The following PTGR3 variants were observed in gnomAD, a reference collection of about 807,000 sequenced individuals.
PTGR3 encodes zinc binding alcohol dehydrogenase domain containing 2.
chr18:75,208,515 A>C, the PTGR3 span: 5 of 1,043,420 alleles, frequency 4.8e-6, no homozygotes, highest in Non-Finnish European at 2.3e-6. Context: ...CCCGGCGGGG[A>C]GCCTCCCCTT....
chr18:75,197,435 T>A, the PTGR3 span: 1 of 151,818 alleles, frequency 6.6e-6, no homozygotes, highest in Non-Finnish European at 1.5e-5. Flanking sequence ...AGAAAAAAAA[T>A]GAAAACAAAC....
the PTGR3 span, chr18:75,205,204 G>T: frequency 1.2e-4 from 116 of 985,398 alleles, no homozygotes; most frequent in African/African-American, 1.9e-3. Flanking sequence ...TCTGCGTGAG[G>T]GTCCGCAGCT....
the PTGR3 span, among the ~76,000 whole-genome samples, chr18:75,205,042 C>T: frequency 6.6e-6 from 1 of 152,192 alleles, no homozygotes; most frequent in Admixed American, 6.5e-5. Flanking sequence ...CCCGCGGCGG[C>T]TCGGGTGGCT....
At chr18:75,208,522 C>T in the PTGR3 span, 128 of 1,075,988 alleles carry the variant, frequency 1.2e-4, 4 homozygotes, top group South Asian at 5.4e-3. Context: ...GGGAGCCTCC[C>T]CTTCTGGGTC....
At chr18:75,195,728 C>T in the PTGR3 span, 4 of 152,116 alleles carry the variant, frequency 2.6e-5, no homozygotes, top group Middle Eastern at 3.4e-3. Flanking sequence ...GCCTGGGCAA[C>T]GAGGGAGACC....
the PTGR3 span, chr18:75,201,230 A>C: frequency 8.3e-6 from 4 of 483,086 alleles, no homozygotes; most frequent in Non-Finnish European, 1.4e-5. Context: ...TTATTAGCAC[A>C]TTTTTTTTTT....
At chr18:75,208,537 C>A in the PTGR3 span, 3 of 1,022,018 alleles carry the variant, frequency 2.9e-6, no homozygotes, top group East Asian at 1.2e-4. Flanking sequence ...TGGGTCCCGT[C>A]GGTTTTATTT....
At chr18:75,206,316 A>C in the PTGR3 span, among the ~76,000 whole-genome samples, 1 of 152,254 alleles carries the variant, frequency 6.6e-6, no homozygotes, top group Non-Finnish European at 1.5e-5. Context: ...GAAATGTGCA[A>C]ATTGTTCACT....
At chr18:75,204,268 GC>G in the PTGR3 span, among the ~76,000 whole-genome samples, 1 of 152,178 alleles carries the variant, frequency 6.6e-6, no homozygotes, top group Non-Finnish European at 1.5e-5. Flanking sequence ...CCCTCTCCCC[GC>G]CCCAGGCTGT....
chr18:75,203,523 C>T, the PTGR3 span, among the ~76,000 whole-genome samples: 3 of 152,170 alleles, frequency 2.0e-5, no homozygotes, highest in Non-Finnish European at 4.4e-5. Context: ...GATCATCCCC[C>T]ATGTATCTAC....
the PTGR3 span, among the ~76,000 whole-genome samples, chr18:75,204,437 G>T: frequency 1.3e-5 from 2 of 152,240 alleles, no homozygotes; most frequent in Non-Finnish European, 2.9e-5. Context: ...CAGCCAGCCA[G>T]CGGCTGCTTG....
chr18:75,208,404 T>G, the PTGR3 span: 42 of 989,012 alleles, frequency 4.2e-5, no homozygotes, highest in African/African-American at 6.8e-4. Flanking sequence ...GCCTCCTTCC[T>G]CCGAAGCACG....
chr18:75,208,029 AAG>A, the PTGR3 span, among the ~76,000 whole-genome samples: 86 of 152,352 alleles, frequency 5.6e-4, 2 homozygotes, highest in East Asian at 0.016. Context: ...GGCTCCGATA[AAG>A]AGTGAGGTCC....
At chr18:75,205,426 G>C in the PTGR3 span, 1 of 985,280 alleles carries the variant, frequency 1.0e-6, no homozygotes, top group Non-Finnish European at 1.2e-6. Flanking sequence ...CAGGATTCTA[G>C]TAATCCGACG....
the PTGR3 span, chr18:75,202,204 T>C: frequency 9.3e-6 from 15 of 1,613,994 alleles, no homozygotes; most frequent in Admixed American, 1.7e-5. Flanking sequence ...TGGCCAACTG[T>C]GTATCTGGCA....
chr18:75,203,052 G>A, the PTGR3 span, among the ~76,000 whole-genome samples: 49 of 152,166 alleles, frequency 3.2e-4, no homozygotes, highest in Non-Finnish European at 5.9e-4. Flanking sequence ...CGATTTTTAT[G>A]AAACATTCAA....
At chr18:75,201,325 C>A in the PTGR3 span, 1 of 1,120,564 alleles carries the variant, frequency 8.9e-7, no homozygotes. Context: ...ATATTATATC[C>A]ATTACCAACT....
the PTGR3 span, among the ~76,000 whole-genome samples, chr18:75,202,509 T>C: frequency 1.3e-5 from 2 of 152,148 alleles, no homozygotes; most frequent in Non-Finnish European, 2.9e-5. Context: ...AAAAAGAAAT[T>C]AAACAAGTAT....
At chr18:75,201,798 G>GCT in the PTGR3 span, 7 of 1,614,148 alleles carry the variant, frequency 4.3e-6, no homozygotes, top group Non-Finnish European at 5.9e-6. Flanking sequence ...GTCAAACATG[G>GCT]CTCCCCCAAC....
Sources: allele counts gnomAD v4.1 joint callset (sites outside exome capture counted in the v4.1 genomes callset), GRCh38; gene constraint gnomAD v4.1.1; transcripts MANE v1.5; gene names NCBI Gene and HGNC (gene_info 2026-07-23, HGNC 2026-07-21).